Variants in ATF7IP observed in about 807,000 individuals in gnomAD.
ATF7IP encodes the protein activating transcription factor 7-interacting protein 1.
Under a neutral mutation model 106.4 loss-of-function variants are expected in ATF7IP, and 23 were observed. The observed-to-expected ratio is 0.22, with a 90% CI of 0.16 to 0.31. The LOEUF (loss-of-function observed/expected upper bound fraction) is 0.31. ATF7IP is among the 10% of genes least tolerant of loss of function. ATF7IP has a pLI of 1.00. For missense variants in ATF7IP, 1,334 were observed against 1,524.3 expected (o/e 0.88, Z 2.08); for synonymous variants, 542 against 539.0 (o/e 1.01, Z -0.08).
intron 1 of ATF7IP, chr12:14,385,183 G>A (rs181673176): frequency 3.3e-4 from 164 of 493,984 alleles, no homozygotes; most frequent in African/African-American, 2.9e-3. Flanking sequence ...TCTATGTTCA[G>A]TTTCCTGCAG....
chr12:14,448,285 A>G (rs1270390454), intron 6 of ATF7IP, among the ~76,000 whole-genome samples: 1 of 152,168 alleles, frequency 6.6e-6, no homozygotes, highest in Non-Finnish European at 1.5e-5. Flanking sequence ...GTGAAATCTT[A>G]TCGCTGTAGT....
chr12:14,385,627 A>C (rs1939196307), intron 1 of ATF7IP, among the ~76,000 whole-genome samples: 1 of 152,176 alleles, frequency 6.6e-6, no homozygotes, highest in Admixed American at 6.5e-5. Flanking sequence ...CATTGCCAGA[A>C]CATTTGATCA....
chr12:14,434,536 A>C (rs1272828132), intron 3 of ATF7IP, 113 bp downstream of exon 3: 2 of 704,782 alleles, frequency 2.8e-6, no homozygotes, highest in African/African-American at 3.7e-5. Context: ...AAAATTTTGC[A>C]ATTTCACAAC....
intron 13 of ATF7IP, among the ~76,000 whole-genome samples, chr12:14,493,108 C>T (rs1444653904): frequency 1.3e-5 from 2 of 152,054 alleles, no homozygotes; most frequent in Non-Finnish European, 2.9e-5. Context: ...ACTAACCAAG[C>T]AAATAACCTA....
At position 14,425,388 on chromosome 12, in the gene ATF7IP, C is replaced by T; in HGVS notation, c.1473C>T (p.Ala491=). ...QESSESLPKE[A]FLVLSDEEDI... is the part of the protein sequence containing the mutation. ...GTAGTGAGAGTTTGCCAAAAGAAGC[C>T]TTTCTGGTCCTCTCTGATGAAGAGG... Residue 491 remains alanine (A), a synonymous_variant, in exon 2 of 15, where the codon GCC becomes GCT. Transcript: ENST00000261168. 9 of 1,611,648 alleles carry T rather than the reference C, an allele frequency of 5.6e-6. No individual in the cohort carries two copies. Among genetic ancestry groups the T allele is most frequent in the Non-Finnish European group, 7.6e-6 (9 of 1,179,362 alleles).
At chr12:14,493,217 T>G (rs561805012) in intron 13 of ATF7IP, among the ~76,000 whole-genome samples, 34 of 152,200 alleles carry the variant, frequency 2.2e-4, no homozygotes, top group Non-Finnish European at 3.7e-4. Flanking sequence ...ACTTTGTTCC[T>G]TCCACCATAA....
In ATF7IP at chr12:14,401,573, C is replaced by A. The variant is rs200035381; in HGVS notation, c.-7-22336C>A. On this transcript the variant is annotated intron_variant, in intron 1 of 14. Coordinates refer to ENST00000261168, the MANE Select transcript of ATF7IP (RefSeq NM_018179.5). ...TGTGTCTGTCTTTTGGATGATTATTCTGTTGTACTCTTTTTTTTTTTGTAC... is the reference window on the plus strand; with the variant it reads ...TGTGTCTGTCTTTTGGATGATTATTATGTTGTACTCTTTTTTTTTTTGTAC... Among the ~76,000 whole-genome samples, 59 of 143,392 alleles carry A rather than the reference C, an allele frequency of 4.1e-4. No individual in the cohort carries two copies. In the East Asian group the frequency reaches 0.011, roughly 28 times the overall value. 94.1% of individuals were successfully genotyped at this position (143,392 alleles called of 152,430 possible).
rs779593459 is a variant in ATF7IP, at chr12:14,481,050, A to G, written c.3145A>G (p.Thr1049Ala). The G allele has an allele frequency of 6.2e-7, 1 of 1,614,074 alleles. No individual in the cohort carries two copies. The highest frequency in any genetic ancestry group is 1.7e-4 in the Middle Eastern group (1 of 6,058). ...VTHRPVTQVT[T>A]RLPVPRAPAN... is the part of the protein sequence containing the mutation. ...ACATCGTCCAGTAACTCAGGTGACC[A>G]CAAGACTCCCTGTACCAAGAGCTCC... Residue 1049 changes from threonine (T) to alanine (A), a missense_variant, in exon 13 of 15, where the codon ACA becomes GCA. By Grantham distance (58) the Thr-to-Ala change is moderately conservative (BLOSUM62 0). This residue lies in a region of ATF7IP where 370 missense variants were observed against 401.2 expected (regional missense o/e 0.92). Coordinates refer to ENST00000261168, the MANE Select transcript of ATF7IP (RefSeq NM_018179.5).
chr12:14,390,193 A>G (rs534712516), intron 1 of ATF7IP, among the ~76,000 whole-genome samples: 113 of 152,222 alleles, frequency 7.4e-4, no homozygotes, highest in Non-Finnish European at 1.5e-3. Flanking sequence ...TATCTAAAAT[A>G]TAACTTCTAA....
At chr12:14,453,659 C>T (rs760797293) in intron 6 of ATF7IP, among the ~76,000 whole-genome samples, 3 of 151,710 alleles carry the variant, frequency 2.0e-5, no homozygotes, top group Non-Finnish European at 2.9e-5. Flanking sequence ...AGTTTCGCTC[C>T]TGTCGCCCAG....
At chr12:14,494,068 A>G (rs1944916306) in intron 13 of ATF7IP, among the ~76,000 whole-genome samples, 1 of 151,800 alleles carries the variant, frequency 6.6e-6, no homozygotes, top group Non-Finnish European at 1.5e-5. Context: ...TTTATTTTGC[A>G]TAACCCTCTA....
intron 2 of ATF7IP, among the ~76,000 whole-genome samples, chr12:14,428,911 A>G (rs1941995840): frequency 6.6e-6 from 1 of 152,206 alleles, no homozygotes; most frequent in Non-Finnish European, 1.5e-5. Context: ...GTGACATAGT[A>G]TTATGTTATA....
At chr12:14,428,139 TAA>T (rs59596421) in intron 2 of ATF7IP, among the ~76,000 whole-genome samples, 2,950 of 146,420 alleles carry the variant, frequency 0.02, 96 homozygotes, top group African/African-American at 0.07. Flanking sequence ...ATAAGTCCTT[TAA>T]AAAAAAAAAG....
chr12:14,424,391 C>A lies in ATF7IP; in HGVS notation c.476C>A (p.Pro159His). The A allele has an allele frequency of 6.2e-7, 1 of 1,613,032 alleles. No individual in the cohort carries two copies. Among genetic ancestry groups the A allele is most frequent in the Non-Finnish European group, 8.5e-7 (1 of 1,179,624 alleles). Reference protein sequence around the residue: ...LASGDSTSGDPTSSEPSSSDA... With the variant: ...LASGDSTSGDHTSSEPSSSDA... ...TCTGGTGATTCCACCTCTGGTGATC[C>A]CACCTCTAGCGAGCCCTCCTCTAGT... The change falls in exon 2 of 15, where the codon CCC (proline) becomes CAC (histidine). Residue 159 changes from proline to histidine, a missense_variant. This residue lies in a region of ATF7IP where 438 missense variants were observed against 405.3 expected (regional missense o/e 1.08). Coordinates refer to ENST00000261168, the MANE Select transcript of ATF7IP (RefSeq NM_018179.5).
intron 1 of ATF7IP, among the ~76,000 whole-genome samples, chr12:14,393,901 T>C (rs991801441): frequency 6.6e-6 from 1 of 152,188 alleles, no homozygotes. Flanking sequence ...GACTCAACTC[T>C]TGCCTTGTCA....
intron 9 of ATF7IP, among the ~76,000 whole-genome samples, chr12:14,464,850 A>T (rs563909358): frequency 5.9e-5 from 9 of 152,372 alleles, no homozygotes; most frequent in African/African-American, 2.2e-4. Context: ...ATGTGTGTGT[A>T]ACATTTTATT....
At chr12:14,476,112 A>C in intron 11 of ATF7IP, 144 bp downstream of exon 11, 1 of 671,520 alleles carries the variant, frequency 1.5e-6, no homozygotes, top group Non-Finnish European at 2.5e-6. Context: ...TTTTTAGATT[A>C]GAATTTTAAA....
chr12:14,417,154 A>G (rs1179940266), intron 1 of ATF7IP, among the ~76,000 whole-genome samples: 2 of 152,180 alleles, frequency 1.3e-5, no homozygotes, highest in Admixed American at 6.6e-5. Flanking sequence ...ATTTTCATGA[A>G]TATTTACTTT....
Position 14,487,703 on chromosome 12 carries a change from T to C in ATF7IP, c.3280+6518T>C, listed in dbSNP as rs147818990. Reference sequence around the variant, plus strand: ...GTGTCTGTTTTTCTACAATTTCAGCTCTTTCTCTATAGGAGATAACTGTCT... The same window carrying C: ...GTGTCTGTTTTTCTACAATTTCAGCCCTTTCTCTATAGGAGATAACTGTCT... On this transcript the variant is annotated intron_variant, in intron 13 of 14. Transcript: ENST00000261168. 4.9e-4 allele frequency among the ~76,000 whole-genome samples: 75 copies of C among 152,342 alleles called. 1 individual carries two copies. The highest frequency in any genetic ancestry group is 1.7e-3 in the African/African-American group (69 of 41,578).
Sources: allele counts gnomAD v4.1 joint callset (sites outside exome capture counted in the v4.1 genomes callset), GRCh38; gene constraint gnomAD v4.1.1; regional missense constraint gnomAD v4.1.1; transcripts MANE v1.5; gene names NCBI Gene and HGNC (gene_info 2026-07-23, HGNC 2026-07-21).